Variants in GK observed in about 807,000 individuals in gnomAD.
GK encodes the protein glycerol kinase, also known as ATP:glycerol 3-phosphotransferase.
GK carries 9 observed loss-of-function variants against 56.4 expected under a neutral mutation model. The observed-to-expected ratio is 0.16, with a 90% CI of 0.10 to 0.28. The LOEUF is 0.28. GK is among the 10% of genes least tolerant of loss of function. The pLI, the probability that GK is intolerant of heterozygous loss-of-function variation, is 1.00. For missense variants in GK, 161 were observed against 431.4 expected, an observed-to-expected ratio of 0.37 and a Z score of 5.55; for synonymous variants, 104 against 144.1, an observed-to-expected ratio of 0.72 and a Z score of 1.99.
At chrX:30,711,388 G>A (rs1936318138) in intron 13 of GK, among the ~76,000 whole-genome samples, 1 of 111,254 alleles carries the variant, frequency 9.0e-6, no homozygotes, top group Non-Finnish European at 1.9e-5. Flanking sequence ...TATCATTGAT[G>A]TTCTGTAGTT....
chrX:30,692,739 C>T (rs988997814), intron 5 of GK, among the ~76,000 whole-genome samples: 4 of 110,303 alleles, frequency 3.6e-5, no homozygotes, highest in Non-Finnish European at 7.6e-5. Context: ...GGTTTACAGA[C>T]GTGAGCCACC....
chrX:30,708,198 G>A, intron 13 of GK, 64 bp downstream of exon 13: 1 of 612,492 alleles, frequency 1.6e-6, no homozygotes, highest in Non-Finnish European at 2.7e-6. Context: ...AAATTACAGT[G>A]TTTTCTAACA....
chrX:30,693,378 C>T (rs1178860982), intron 5 of GK, among the ~76,000 whole-genome samples: 1 of 110,802 alleles, frequency 9.0e-6, no homozygotes, highest in African/African-American at 3.3e-5. Context: ...ATATACTAAC[C>T]ACAAATGAGT....
intron 20 of GK, among the ~76,000 whole-genome samples, chrX:30,728,093 A>G (rs1364967984): frequency 8.9e-6 from 1 of 111,840 alleles, no homozygotes; most frequent in Admixed American, 9.6e-5. Context: ...TTTAAAAATG[A>G]TTCCTTAAAT....
At chrX:30,683,043 G>A (rs1439113560) in intron 4 of GK, among the ~76,000 whole-genome samples, 3 of 110,826 alleles carry the variant, frequency 2.7e-5, no homozygotes, top group East Asian at 2.8e-4. Context: ...TTTAACATAC[G>A]AATTTGGAAG....
intron 20 of GK, 104 bp from the exon 21 acceptor site, chrX:30,728,628 A>G (rs1937241824): frequency 3.3e-6 from 2 of 599,990 alleles, no homozygotes; most frequent in Non-Finnish European, 2.9e-6. Flanking sequence ...TAGAAATCAT[A>G]TGGACTTTCT....
intron 1 of GK, among the ~76,000 whole-genome samples, chrX:30,659,547 T>C (rs1397667616): frequency 1.8e-5 from 2 of 111,382 alleles, no homozygotes; most frequent in African/African-American, 6.5e-5. Flanking sequence ...AAGTTTAGTG[T>C]GTCATAAAAG....
chrX:30,665,451 CTT>C (rs1314598201), intron 1 of GK, 58 bp from the exon 2 acceptor site: 1 of 704,009 alleles, frequency 1.4e-6, no homozygotes, highest in Non-Finnish European at 2.3e-6. Context: ...TACTGAATAA[CTT>C]TAAACATCCT....
At chrX:30,682,956 A>G (rs760383778) in intron 4 of GK, among the ~76,000 whole-genome samples, 25 of 111,015 alleles carry the variant, frequency 2.3e-4, no homozygotes, top group African/African-American at 7.5e-4. Context: ...ACTGATCTCA[A>G]TGAGGGCTCC....
intron 3 of GK, among the ~76,000 whole-genome samples, chrX:30,670,682 A>T (rs1042347313): frequency 1.8e-5 from 2 of 111,848 alleles, no homozygotes; most frequent in Non-Finnish European, 3.8e-5. Context: ...CTATATCACA[A>T]ACTGTTAAAG....
At chrX:30,665,904 T>A in intron 2 of GK, among the ~76,000 whole-genome samples, 1 of 112,236 alleles carries the variant, frequency 8.9e-6, no homozygotes, top group East Asian at 2.8e-4. Context: ...CTTTGCTGAT[T>A]TGAGTGTCAG....
intron 13 of GK, among the ~76,000 whole-genome samples, chrX:30,714,488 G>A (rs1432634359): frequency 8.9e-6 from 1 of 111,815 alleles, no homozygotes; most frequent in Non-Finnish European, 1.9e-5. Flanking sequence ...CTGTCAGATG[G>A]AGGCCACCCT....
chrX:30,697,870 C>A, intron 9 of GK, 121 bp downstream of exon 9: 1 of 567,266 alleles, frequency 1.8e-6, no homozygotes, highest in Non-Finnish European at 3.1e-6. Flanking sequence ...ATTTCCGTGA[C>A]CTTCCAAATT....
At chrX:30,674,283 T>C (rs1933730628) in intron 3 of GK, 1 of 330,965 alleles carries the variant, frequency 3.0e-6, no homozygotes, top group Non-Finnish European at 5.9e-6. Context: ...TGCCCCAAAC[T>C]CTTGCCCTGT....
In GK at chrX:30,728,712, GT is replaced by G; in HGVS notation, c.1670-15del. ...TATGCATGTATTATTGACATATATG[GT>G]TTTTGTTCCCCATTTCAGGTATTCC... is the stretch of plus-strand genomic sequence containing the variant. On this transcript the variant is annotated intron_variant, in intron 20 of 20. Coordinates refer to ENST00000427190, the MANE Select transcript of GK (RefSeq NM_001205019.2). 5.4e-6 allele frequency: 6 copies of G among 1,112,959 alleles called. No homozygotes were observed. The highest frequency in any genetic ancestry group is 6.2e-6 in the Non-Finnish European group (5 of 806,162). 91.7% of individuals were successfully genotyped at this position (1,112,959 alleles called of 1,213,427 possible).
At chrX:30,686,960 G>T (rs1934649309) in intron 4 of GK, among the ~76,000 whole-genome samples, 1 of 110,735 alleles carries the variant, frequency 9.0e-6, no homozygotes, top group Admixed American at 9.6e-5. Context: ...TAATTACTTT[G>T]GAAGTTAGCA....
At chrX:30,663,591 A>G (rs769943463) in intron 1 of GK, among the ~76,000 whole-genome samples, 6 of 111,149 alleles carry the variant, frequency 5.4e-5, no homozygotes, top group African/African-American at 2.0e-4. Context: ...AAGATATTTT[A>G]TCTTCTCAAA....
chrX:30,698,097 C>A, intron 9 of GK: 1 of 168,129 alleles, frequency 5.9e-6, no homozygotes, highest in Non-Finnish European at 1.1e-5. Context: ...ATATTGACCA[C>A]CTTTCCAGAC....
chrX:30,677,905 C>A, intron 4 of GK: 2 of 509,876 alleles, frequency 3.9e-6, no homozygotes, highest in Non-Finnish European at 7.2e-6. Context: ...GAAGAGTCTG[C>A]TAAGAAATTA....
Sources: gnomAD v4.1 joint callset for allele counts (sites outside exome capture counted in the v4.1 genomes callset) on GRCh38, gnomAD v4.1.1 for gene constraint, MANE v1.5 for transcripts, NCBI Gene and HGNC (gene_info 2026-07-23, HGNC 2026-07-21) for gene names.